RPS6KA6: variants seen among roughly 807,000 people sequenced by gnomAD.
The protein encoded by RPS6KA6 is ribosomal protein S6 kinase alpha-6.
RPS6KA6 carries 27 observed loss-of-function variants against 65.4 expected under a neutral mutation model. The ratio of observed to expected loss-of-function variants is 0.41; its 90% confidence interval spans 0.30 to 0.57. The LOEUF (loss-of-function observed/expected upper bound fraction) is 0.57. Among genes scored for constraint, RPS6KA6 ranks in the 20% least tolerant of loss-of-function variants. The pLI is 0.24. For synonymous variants in RPS6KA6, 190 were observed against 184.2 expected (o/e 1.03, Z -0.26); for missense variants, 486 against 555.6 (o/e 0.87, Z 1.26).
chrX:84,100,698 T>A (rs977115280), intron 18 of RPS6KA6, among the ~76,000 whole-genome samples: 1 of 110,764 alleles, frequency 9.0e-6, no homozygotes, highest in African/African-American at 3.3e-5. Context: ...CTAAAAAGGC[T>A]AATTTTTTTA....
rs765743910 is a variant in RPS6KA6, at chrX:84,075,232, A to AAAAAAAACAAAC, written c.1972-10122_1972-10121insGTTTGTTTTTTT. 9.0e-5 allele frequency among the ~76,000 whole-genome samples: 10 copies of AAAAAAAACAAAC among 110,972 alleles called. No individual in the cohort carries two copies. In the East Asian group the frequency reaches 2.6e-3, roughly 29 times the overall value. On this transcript the variant is annotated intron_variant, in intron 20 of 21. Transcript: ENST00000262752. ...GGGAGACAGAGCGAGACTCCGTCGCAAAACAAACAAACAAACAAACAAACA... is the reference window on the plus strand; with the variant it reads ...GGGAGACAGAGCGAGACTCCGTCGCAAAAAAAACAAACAAACAAACAAACAAACAAACAAACA...
chrX:84,060,884 C>A lies in RPS6KA6; in HGVS notation c.*3393G>T. 1 of 111,972 alleles carries A rather than the reference C, an allele frequency of 8.9e-6. No homozygotes were observed. Among genetic ancestry groups the A allele is most frequent in the Non-Finnish European group, 1.9e-5 (1 of 53,151 alleles). 9.2% of individuals were successfully genotyped at this position (111,972 alleles called of 1,213,427 possible). A position where few individuals can be genotyped will look rare whatever the true frequency, so the allele number is the denominator to read the frequency against. On this transcript the variant is annotated 3_prime_UTR_variant, in exon 22 of 22. Coordinates refer to ENST00000262752, the MANE Select transcript of RPS6KA6 (RefSeq NM_014496.5). ...AAAAATGCCAATTAACTATTAGCCA[C>A]TGACAGAAAAATGTAAATTAATTTA...
At chrX:84,112,958 A>C (rs778022536) in intron 12 of RPS6KA6, among the ~76,000 whole-genome samples, 1 of 111,857 alleles carries the variant, frequency 8.9e-6, no homozygotes, top group Non-Finnish European at 1.9e-5. Context: ...TAACAAGTAC[A>C]ATCAGAAATT....
At chrX:84,151,070 G>C (rs1440253777) in intron 3 of RPS6KA6, among the ~76,000 whole-genome samples, 2 of 97,032 alleles carry the variant, frequency 2.1e-5, no homozygotes, top group Non-Finnish European at 4.1e-5. Context: ...ATAGAGGATA[G>C]ATATATAGAG....
intron 6 of RPS6KA6, among the ~76,000 whole-genome samples, chrX:84,139,409 G>A (rs1346254841): frequency 4.5e-5 from 5 of 111,680 alleles, no homozygotes; most frequent in Non-Finnish European, 9.4e-5. Flanking sequence ...TTAGAAGGGG[G>A]TCCTAGACAA....
intron 3 of RPS6KA6, among the ~76,000 whole-genome samples, chrX:84,151,036 G>GATAT (rs72003838): frequency 2.4e-5 from 2 of 83,858 alleles, no homozygotes; most frequent in Admixed American, 1.5e-4. Flanking sequence ...ATATAGAGAG[G>GATAT]ATATATATAT....
At chrX:84,139,011 G>A (rs1055884396) in intron 6 of RPS6KA6, among the ~76,000 whole-genome samples, 1 of 112,206 alleles carries the variant, frequency 8.9e-6, no homozygotes, top group South Asian at 3.7e-4. Context: ...CACAAGTGAA[G>A]TATAACCAAC....
chrX:84,155,074 C>T (rs1310577829), intron 3 of RPS6KA6, among the ~76,000 whole-genome samples: 1 of 109,459 alleles, frequency 9.1e-6, no homozygotes, highest in Non-Finnish European at 1.9e-5. Context: ...TGGTGGTGCA[C>T]ACCTGTAGTA....
intron 2 of RPS6KA6, among the ~76,000 whole-genome samples, chrX:84,160,072 T>C (rs1306899660): frequency 9.0e-6 from 1 of 111,436 alleles, no homozygotes; most frequent in Admixed American, 9.5e-5. Flanking sequence ...TACATAATCT[T>C]AGCTGATCTT....
intron 20 of RPS6KA6, among the ~76,000 whole-genome samples, chrX:84,072,235 TAA>T (rs2033559430): frequency 2.7e-5 from 3 of 111,924 alleles, no homozygotes; most frequent in Admixed American, 9.5e-5. Context: ...ATCTCAGGAA[TAA>T]AAGGATGGTT....
At chrX:84,181,076 G>A (rs761619016) in intron 1 of RPS6KA6, among the ~76,000 whole-genome samples, 2 of 111,425 alleles carry the variant, frequency 1.8e-5, no homozygotes, top group Admixed American at 1.9e-4. Flanking sequence ...TAAATGGAAT[G>A]GATTCCAACG....
At chrX:84,108,237 T>C (rs2034399781) in intron 12 of RPS6KA6, among the ~76,000 whole-genome samples, 1 of 111,990 alleles carries the variant, frequency 8.9e-6, no homozygotes, top group Non-Finnish European at 1.9e-5. Flanking sequence ...AGCCACTTCT[T>C]TTGAAATCTA....
rs747146929 is a variant in RPS6KA6, at chrX:84,118,601, A to G, written c.790-1147T>C. ...CCAAAACCAGCTGTCCTCTTCAGCT[A>G]TCTCTTCTATTAACTTACCATTCTT... On this transcript the variant is annotated intron_variant, in intron 9 of 21. Coordinates refer to ENST00000262752, the MANE Select transcript of RPS6KA6 (RefSeq NM_014496.5). 1.6e-4 allele frequency among the ~76,000 whole-genome samples: 18 copies of G among 111,529 alleles called. 1 individual carries two copies. The South Asian group carries it at 6.7e-3, about 42-fold the overall frequency.
chrX:84,142,067 TAC>T (rs1489522177), intron 6 of RPS6KA6, among the ~76,000 whole-genome samples: 1 of 111,165 alleles, frequency 9.0e-6, no homozygotes, highest in African/African-American at 3.3e-5. Context: ...AATAGCAGAA[TAC>T]ACATTCTTCT....
chrX:84,096,814 C>T (rs988697270), intron 19 of RPS6KA6, among the ~76,000 whole-genome samples: 7 of 110,998 alleles, frequency 6.3e-5, no homozygotes, highest in African/African-American at 2.3e-4. Context: ...ATATGTATAT[C>T]GACACAAAAC....
chrX:84,081,911 A>C (rs868655799), intron 20 of RPS6KA6, among the ~76,000 whole-genome samples: 5 of 111,659 alleles, frequency 4.5e-5, no homozygotes, highest in African/African-American at 1.3e-4. Flanking sequence ...CATGCTAAAA[A>C]CTCTCAATAA....
At chrX:84,120,556 T>C (rs1174583715) in intron 8 of RPS6KA6, among the ~76,000 whole-genome samples, 1 of 110,958 alleles carries the variant, frequency 9.0e-6, no homozygotes, top group African/African-American at 3.3e-5. Flanking sequence ...ACCAAAAATA[T>C]CAAACATGAA....
Position 84,064,236 on chromosome X carries a change from A to G in RPS6KA6, c.*41T>C. 1 of 1,188,814 alleles carries G rather than the reference A, an allele frequency of 8.4e-7. No individual in the cohort carries two copies. Among genetic ancestry groups the G allele is most frequent in the Non-Finnish European group, 1.1e-6 (1 of 883,130 alleles). ...GAATAGGAAAAAAGCCACACATTTA[A>G]TTTCATCTTCATCCAGTTTGGCCTA... is the stretch of plus-strand genomic sequence containing the variant. On this transcript the variant is annotated 3_prime_UTR_variant, in exon 22 of 22. Coordinates refer to ENST00000262752, the MANE Select transcript of RPS6KA6 (RefSeq NM_014496.5).
At chrX:84,092,525 G>A (rs6616896) in intron 20 of RPS6KA6, among the ~76,000 whole-genome samples, 5,388 of 109,509 alleles carry the variant, frequency 0.049, 197 homozygotes, top group East Asian at 0.2. Flanking sequence ...GGGAGGCTGA[G>A]GTGGGAGAAT....
Sources: gnomAD v4.1 joint callset for allele counts (sites outside exome capture counted in the v4.1 genomes callset) on GRCh38, gnomAD v4.1.1 for gene constraint, MANE v1.5 for transcripts, NCBI Gene and HGNC (gene_info 2026-07-23, HGNC 2026-07-21) for gene names.